REDIC1: variants seen among roughly 807,000 people sequenced by gnomAD.
REDIC1 encodes regulator of DNA class I crossover intermediates 1, also known as HEI10 Interacting Protein 1.
the REDIC1 span, among the ~76,000 whole-genome samples, chr12:39,657,780 A>C: frequency 1.3e-5 from 2 of 152,094 alleles, no homozygotes; most frequent in Non-Finnish European, 2.9e-5. Flanking sequence ...CTTCTGATAC[A>C]GCAATATCAA....
At chr12:39,702,335 A>G in the REDIC1 span, among the ~76,000 whole-genome samples, 5 of 152,258 alleles carry the variant, frequency 3.3e-5, no homozygotes, top group Non-Finnish European at 7.3e-5. Flanking sequence ...AAAATCTAGA[A>G]GAAATGGATA....
At chr12:39,694,293 C>A in the REDIC1 span, among the ~76,000 whole-genome samples, 1 of 152,132 alleles carries the variant, frequency 6.6e-6, no homozygotes, top group African/African-American at 2.4e-5. Flanking sequence ...CATAAGAGCA[C>A]TCATAGTACC....
the REDIC1 span, among the ~76,000 whole-genome samples, chr12:39,667,177 C>T: frequency 6.6e-6 from 1 of 152,200 alleles, no homozygotes; most frequent in African/African-American, 2.4e-5. Flanking sequence ...AATTTTAGAT[C>T]TTTCCTGCTT....
chr12:39,783,691 T>G, the REDIC1 span, among the ~76,000 whole-genome samples: 1 of 152,218 alleles, frequency 6.6e-6, no homozygotes, highest in Non-Finnish European at 1.5e-5. Flanking sequence ...TCTGTTCATA[T>G]CCTTTGCCCA....
chr12:39,702,797 T>G, the REDIC1 span, among the ~76,000 whole-genome samples: 1 of 152,188 alleles, frequency 6.6e-6, no homozygotes, highest in South Asian at 2.1e-4. Context: ...AATCAATAAA[T>G]GTAATCCAGC....
At chr12:39,661,522 C>A in the REDIC1 span, among the ~76,000 whole-genome samples, 1 of 151,548 alleles carries the variant, frequency 6.6e-6, no homozygotes, top group Non-Finnish European at 1.5e-5. Context: ...CCTGTTGAGT[C>A]ATTTGAGTTT....
the REDIC1 span, among the ~76,000 whole-genome samples, chr12:39,741,953 C>G: frequency 5.9e-5 from 9 of 152,256 alleles, no homozygotes; most frequent in East Asian, 1.7e-3. Flanking sequence ...TGGCTTAGGT[C>G]TTGTTTGTAA....
At chr12:39,642,397 A>C in the REDIC1 span, among the ~76,000 whole-genome samples, 5 of 151,450 alleles carry the variant, frequency 3.3e-5, no homozygotes, top group Admixed American at 6.6e-5. Context: ...CTTAGAACTC[A>C]TTTCCAAAGA....
At chr12:39,845,637 T>C in the REDIC1 span, among the ~76,000 whole-genome samples, 2 of 152,156 alleles carry the variant, frequency 1.3e-5, no homozygotes, top group African/African-American at 2.4e-5. Context: ...TTGGAAGTTG[T>C]GTTGTGTGAC....
At chr12:39,906,785 T>TA in the REDIC1 span, among the ~76,000 whole-genome samples, 1 of 152,140 alleles carries the variant, frequency 6.6e-6, no homozygotes, top group Non-Finnish European at 1.5e-5. Context: ...ACGATTATTT[T>TA]AAATTGAACG....
chr12:39,643,699 C>A, the REDIC1 span: 1 of 1,025,438 alleles, frequency 9.8e-7, no homozygotes, highest in Non-Finnish European at 1.4e-6. Context: ...GACTTAATAA[C>A]ATGATTGCTT....
the REDIC1 span, among the ~76,000 whole-genome samples, chr12:39,652,541 A>G: frequency 6.6e-6 from 1 of 152,096 alleles, no homozygotes; most frequent in Non-Finnish European, 1.5e-5. Context: ...TGAAATGTTT[A>G]CCCTTTTCAT....
the REDIC1 span, among the ~76,000 whole-genome samples, chr12:39,680,722 A>G: frequency 6.6e-6 from 1 of 152,086 alleles, no homozygotes; most frequent in East Asian, 1.9e-4. Context: ...ATATGGAACC[A>G]GCCTAAATGC....
chr12:39,669,020 A>G, the REDIC1 span, among the ~76,000 whole-genome samples: 1 of 151,976 alleles, frequency 6.6e-6, no homozygotes, highest in Admixed American at 6.6e-5. Context: ...AGCTTGGAGT[A>G]GTTTGATCAT....
chr12:39,653,098 G>C, the REDIC1 span, among the ~76,000 whole-genome samples: 3 of 152,006 alleles, frequency 2.0e-5, no homozygotes, highest in Non-Finnish European at 2.9e-5. Context: ...GATTTTAAGA[G>C]ATTATGTTGA....
chr12:39,857,200 T>A, the REDIC1 span, among the ~76,000 whole-genome samples: 2 of 152,194 alleles, frequency 1.3e-5, no homozygotes, highest in African/African-American at 4.8e-5. Context: ...TTCTCAGAAG[T>A]CTTTTAAGTT....
At chr12:39,784,301 A>G in the REDIC1 span, among the ~76,000 whole-genome samples, 2 of 152,208 alleles carry the variant, frequency 1.3e-5, no homozygotes, top group African/African-American at 4.8e-5. Flanking sequence ...AGCTGGAGGC[A>G]TCACGCTACC....
chr12:39,704,751 G>A, the REDIC1 span, among the ~76,000 whole-genome samples: 1 of 152,174 alleles, frequency 6.6e-6, no homozygotes, highest in Non-Finnish European at 1.5e-5. Context: ...CATAAAAAAG[G>A]ATGAGTTCAT....
At chr12:39,891,149 A>C in the REDIC1 span, among the ~76,000 whole-genome samples, 5 of 149,580 alleles carry the variant, frequency 3.3e-5, no homozygotes, top group African/African-American at 1.2e-4. Context: ...AATTTTGAGG[A>C]TGCATCTAGG....
Sources: gnomAD v4.1 joint callset for allele counts (sites outside exome capture counted in the v4.1 genomes callset) on GRCh38, gnomAD v4.1.1 for gene constraint, MANE v1.5 for transcripts, NCBI Gene and HGNC (gene_info 2026-07-23, HGNC 2026-07-21) for gene names.